The following PPP2R3C variants were observed in gnomAD, a reference collection of about 807,000 sequenced individuals.
PPP2R3C encodes the protein serine/threonine-protein phosphatase 2A regulatory subunit B'' subunit gamma.
PPP2R3C carries 47 observed loss-of-function variants against 63.7 expected under a neutral mutation model. The observed-to-expected ratio is 0.74, with a 90% CI of 0.58 to 0.94. The LOEUF (loss-of-function observed/expected upper bound fraction) is 0.94. Ranked by LOEUF, PPP2R3C falls within the 40% of genes least tolerant of loss-of-function variation. PPP2R3C has a pLI of 0.00. For missense variants in PPP2R3C, 421 were observed against 518.4 expected, an observed-to-expected ratio of 0.81 and a Z score of 1.82; for synonymous variants, 180 against 177.4, an observed-to-expected ratio of 1.01 and a Z score of -0.12.
At chr14:35,085,849 C>T (rs551216654) in intron 12 of PPP2R3C, 71 bp from the exon 13 acceptor site, 5 of 1,301,952 alleles carry the variant, frequency 3.8e-6, no homozygotes, top group African/African-American at 1.5e-5. Flanking sequence ...ATCCAAAATT[C>T]AGGGCTGTTT....
chr14:35,110,834 A>G, intron 2 of PPP2R3C: 1 of 508,746 alleles, frequency 2.0e-6, no homozygotes, highest in South Asian at 2.5e-5. Context: ...TGAAAAAGCC[A>G]TTCTAAAAGC....
At position 35,096,704 on chromosome 14, in the gene PPP2R3C, T is replaced by C; in HGVS notation, c.762+5A>G. On this transcript the variant is annotated splice_donor_5th_base_variant and intron_variant, in intron 8 of 12. Transcript: ENST00000261475. ...GATACAATTAAGTAGTTTAAAAACATTTACCTCCAATAAATCATCTAGGAA... is the reference window on the plus strand; with the variant it reads ...GATACAATTAAGTAGTTTAAAAACACTTACCTCCAATAAATCATCTAGGAA... 1 of 1,603,974 alleles carries C rather than the reference T, an allele frequency of 6.2e-7. No individual in the cohort carries two copies. The highest frequency in any genetic ancestry group is 1.3e-5 in the African/African-American group (1 of 74,556).
At chr14:35,102,337 CTTATT>C (rs1441386740) in intron 6 of PPP2R3C, 2 of 152,092 alleles carry the variant, frequency 1.3e-5, no homozygotes, top group African/African-American at 2.4e-5. Flanking sequence ...GTTTCTTATA[CTTATT>C]TTAACAATGT....
At chr14:35,100,631 A>C (rs1055812028) in intron 6 of PPP2R3C, 1 of 152,164 alleles carries the variant, frequency 6.6e-6, no homozygotes, top group Non-Finnish European at 1.5e-5. Context: ...CTGGATCTCA[A>C]TGTATTCCTT....
At position 35,105,655 on chromosome 14, in the gene PPP2R3C, C is replaced by CA. The variant is rs1020318346; in HGVS notation, c.573+1648dup. 3.4e-4 allele frequency among the ~76,000 whole-genome samples: 52 copies of CA among 152,036 alleles called. 1 individual carries two copies. The highest frequency in any genetic ancestry group is 1.2e-3 in the African/African-American group (48 of 41,482). ...TGTCTCAACAAAAACTATATGGAATCAACACCACCGAGGTCTATGGAAAAA... is the reference window on the plus strand; with the variant it reads ...TGTCTCAACAAAAACTATATGGAATCAAACACCACCGAGGTCTATGGAAAAA... On this transcript the variant is annotated intron_variant, in intron 6 of 12. Coordinates refer to ENST00000261475, the MANE Select transcript of PPP2R3C (RefSeq NM_017917.4).
intron 10 of PPP2R3C, among the ~76,000 whole-genome samples, chr14:35,091,799 A>T (rs2045827878): frequency 6.7e-6 from 1 of 148,156 alleles, no homozygotes; most frequent in Non-Finnish European, 1.5e-5. Context: ...CAGCTCACTG[A>T]AACCTCTGCC....
At chr14:35,119,510 A>C (rs2046801355) in intron 1 of PPP2R3C, among the ~76,000 whole-genome samples, 1 of 150,748 alleles carries the variant, frequency 6.6e-6, no homozygotes, top group Non-Finnish European at 1.5e-5. Context: ...CTAATTTTTT[A>C]CTTTCTATTT....
chr14:35,112,541 T>A lies in PPP2R3C; in HGVS notation c.187-1912A>T, dbSNP rs72664817. Among the ~76,000 whole-genome samples, 20 of 152,204 alleles carry A rather than the reference T, an allele frequency of 1.3e-4. No homozygotes were observed. The East Asian group carries it at 2.3e-3, about 18-fold the overall frequency. On this transcript the variant is annotated intron_variant, in intron 2 of 12. Coordinates refer to ENST00000261475, the MANE Select transcript of PPP2R3C (RefSeq NM_017917.4). Reference sequence around the variant, plus strand: ...AGGAACTAAGATGCCATCCCTCCCATCAGAAGGAACAGAGTTAAAGGAGTA... The same window carrying A: ...AGGAACTAAGATGCCATCCCTCCCAACAGAAGGAACAGAGTTAAAGGAGTA...
chr14:35,118,864 G>A (rs2046780325), intron 1 of PPP2R3C, among the ~76,000 whole-genome samples: 1 of 151,974 alleles, frequency 6.6e-6, no homozygotes, highest in African/African-American at 2.4e-5. Flanking sequence ...ACGTTGGCCA[G>A]GCTGGTCTGT....
chr14:35,106,096 C>A (rs1425688275), intron 6 of PPP2R3C, among the ~76,000 whole-genome samples: 1 of 152,032 alleles, frequency 6.6e-6, no homozygotes, highest in East Asian at 1.9e-4. Flanking sequence ...CCGCCCGCCT[C>A]GGCCTCCCAA....
chr14:35,097,175 A>C (rs1156443515), intron 7 of PPP2R3C, among the ~76,000 whole-genome samples: 2 of 152,068 alleles, frequency 1.3e-5, no homozygotes, highest in African/African-American at 4.8e-5. Context: ...AGATCAAGCC[A>C]TTGTACTACA....
chr14:35,120,009 A>G (rs915336311), intron 1 of PPP2R3C, among the ~76,000 whole-genome samples: 2 of 145,072 alleles, frequency 1.4e-5, no homozygotes, highest in Non-Finnish European at 3.0e-5. Flanking sequence ...CCGCCACCGC[A>G]CCCGTCTAAT....
At chr14:35,117,748 G>A (rs1170780823) in intron 1 of PPP2R3C, among the ~76,000 whole-genome samples, 1 of 151,696 alleles carries the variant, frequency 6.6e-6, no homozygotes, top group African/African-American at 2.4e-5. Flanking sequence ...AGGCTGGGGC[G>A]CAATGGTACG....
intron 6 of PPP2R3C, 56 bp downstream of exon 6, chr14:35,107,248 G>A: frequency 7.5e-7 from 1 of 1,340,944 alleles, no homozygotes; most frequent in Non-Finnish European, 1.1e-6. Context: ...GATAACTACA[G>A]TTTACATTTT....
intron 11 of PPP2R3C, among the ~76,000 whole-genome samples, chr14:35,089,081 T>A (rs1488951703): frequency 6.6e-6 from 1 of 152,174 alleles, no homozygotes; most frequent in Non-Finnish European, 1.5e-5. Flanking sequence ...GCCGCTGATA[T>A]AAGCCCATAT....
intron 1 of PPP2R3C, 59 bp downstream of exon 1, chr14:35,121,843 C>A (rs45508403): frequency 6.9e-6 from 11 of 1,584,004 alleles, no homozygotes; most frequent in East Asian, 4.5e-5. Context: ...CCACCTCCCC[C>A]CTACCTCTAG....
Position 35,095,097 on chromosome 14 carries a change from ACATTGGT to A in PPP2R3C, c.919_925del (p.Thr307SerfsTer3). 6.2e-7 allele frequency: 1 copy of A among 1,608,366 alleles called. No homozygotes were observed. Among genetic ancestry groups the A allele is most frequent in the Non-Finnish European group, 8.5e-7 (1 of 1,174,726 alleles). ...CTCCTGGAAAACACGGTCTAAGAAG[ACATTGGT>A]CATGGTAGCTGTTCCATAGCGTGAG... On this transcript the variant is annotated frameshift_variant, in exon 10 of 13. Coordinates refer to ENST00000261475, the MANE Select transcript of PPP2R3C (RefSeq NM_017917.4). LOFTEE classifies it high-confidence loss of function.
intron 9 of PPP2R3C, 28 bp downstream of exon 9, chr14:35,096,530 A>G: frequency 6.3e-7 from 1 of 1,589,102 alleles, no homozygotes; most frequent in Non-Finnish European, 8.6e-7. Flanking sequence ...TGGATAATTC[A>G]AATTTTAGCA....
At chr14:35,098,346 G>GTTTTT (rs376634061) in intron 7 of PPP2R3C, among the ~76,000 whole-genome samples, 15 of 94,010 alleles carry the variant, frequency 1.6e-4, no homozygotes, top group Non-Finnish European at 1.8e-4. Context: ...CGCCTGGCTA[G>GTTTTT]TTTTTTTTTT....
Sources: allele counts gnomAD v4.1 joint callset (sites outside exome capture counted in the v4.1 genomes callset), GRCh38; gene constraint gnomAD v4.1.1; transcripts MANE v1.5; gene names NCBI Gene and HGNC (gene_info 2026-07-23, HGNC 2026-07-21).